RPH3A: variants seen among roughly 807,000 people sequenced by gnomAD.
The protein encoded by RPH3A is rabphilin-3A.
In RPH3A, 48 loss-of-function variants were observed where a neutral mutation model predicts 102.2. The observed-to-expected ratio is 0.47, with a 90% CI of 0.37 to 0.60. The LOEUF (loss-of-function observed/expected upper bound fraction) is 0.60, where lower values mean the gene tolerates loss of function less well. RPH3A is among the 20% of genes least tolerant of loss of function. RPH3A has a pLI of 0.00. For synonymous variants in RPH3A, 310 were observed against 324.3 expected (o/e 0.96, Z 0.47); for missense variants, 781 against 910.1 (o/e 0.86, Z 1.83).
chr12:112,660,044 G>C (rs1194573772), intron 1 of RPH3A, among the ~76,000 whole-genome samples: 3 of 152,222 alleles, frequency 2.0e-5, no homozygotes, highest in East Asian at 3.9e-4. Flanking sequence ...GGTCCTCTAA[G>C]AGACAGAAGT....
rs190457883 is a variant in RPH3A at position 112,766,984 on chromosome 12, G to A, written c.-139-25159G>A. 7.9e-5 allele frequency among the ~76,000 whole-genome samples: 12 copies of A among 152,310 alleles called. No individual in the cohort carries two copies. In the East Asian group the frequency reaches 1.9e-3, roughly 25 times the overall value. On this transcript the variant is annotated intron_variant, in intron 1 of 21. Transcript: ENST00000543106. Reference sequence around the variant, plus strand: ...TTCAAGGAGGGCTATAGGTGAAACAGGGTTAATGAGAAATTGCTGAGGAGG... The same window carrying A: ...TTCAAGGAGGGCTATAGGTGAAACAAGGTTAATGAGAAATTGCTGAGGAGG...
chr12:112,690,946 C>A (rs1307267278), intron 1 of RPH3A, among the ~76,000 whole-genome samples: 1 of 152,090 alleles, frequency 6.6e-6, no homozygotes, highest in Non-Finnish European at 1.5e-5. Flanking sequence ...CTATATAAAT[C>A]TACACATTCT....
chr12:112,845,915 A>C (rs147590573), intron 4 of RPH3A, among the ~76,000 whole-genome samples: 17 of 152,346 alleles, frequency 1.1e-4, no homozygotes, highest in African/African-American at 3.8e-4. Context: ...CTCTGAGACC[A>C]GGATGATGAG....
At chr12:112,591,926 C>A (rs2039481953) in intron 1 of RPH3A, among the ~76,000 whole-genome samples, 1 of 152,154 alleles carries the variant, frequency 6.6e-6, no homozygotes, top group African/African-American at 2.4e-5. Flanking sequence ...GGTTCTAGGA[C>A]CCCCTTGGAT....
chr12:112,675,452 T>C (rs2040168019), intron 1 of RPH3A, among the ~76,000 whole-genome samples: 1 of 152,172 alleles, frequency 6.6e-6, no homozygotes, highest in African/African-American at 2.4e-5. Context: ...CAGACAACCA[T>C]ATAAATATAG....
chr12:112,865,323 A>T (rs1281060375), intron 5 of RPH3A, 91 bp from the exon 6 acceptor site: 2 of 1,460,812 alleles, frequency 1.4e-6, no homozygotes, highest in Non-Finnish European at 1.9e-6. Context: ...GTATGACTCA[A>T]AGAAGGTGAA....
chr12:112,787,480 A>G (rs909683368), upstream of RPH3A, among the ~76,000 whole-genome samples: 2 of 152,210 alleles, frequency 1.3e-5, no homozygotes, highest in African/African-American at 2.4e-5. Flanking sequence ...AAAATGGGTA[A>G]ATAGCACAAC....
At chr12:112,787,109 T>A (rs1428865357), upstream of RPH3A, among the ~76,000 whole-genome samples, 1 of 152,146 alleles carries the variant, frequency 6.6e-6, no homozygotes, top group African/African-American at 2.4e-5. Context: ...ACTCTGGCCC[T>A]CCAGCCTCCC....
At chr12:112,797,189 A>G (rs1258919804) in intron 2 of RPH3A, among the ~76,000 whole-genome samples, 1 of 152,200 alleles carries the variant, frequency 6.6e-6, no homozygotes, top group African/African-American at 2.4e-5. Context: ...AATTTCCATC[A>G]TTCAAGTTTC....
chr12:112,836,031 G>A (rs567406456), intron 3 of RPH3A, among the ~76,000 whole-genome samples: 29 of 152,264 alleles, frequency 1.9e-4, no homozygotes, highest in African/African-American at 6.5e-4. Flanking sequence ...CCTCATAATC[G>A]GAGATGCTGG....
chr12:112,838,666 A>T (rs925453663), intron 4 of RPH3A, among the ~76,000 whole-genome samples: 2 of 152,234 alleles, frequency 1.3e-5, no homozygotes, highest in East Asian at 1.9e-4. Context: ...CAGCATTTCC[A>T]TCATCCCACT....
At chr12:112,637,469 G>A (rs567075405) in intron 1 of RPH3A, among the ~76,000 whole-genome samples, 26 of 152,232 alleles carry the variant, frequency 1.7e-4, no homozygotes, top group South Asian at 4.1e-4. Flanking sequence ...CATGCTGAAG[G>A]GAAATGTGTT....
intron 1 of RPH3A, among the ~76,000 whole-genome samples, chr12:112,640,404 C>G (rs1217348354): frequency 7.3e-6 from 1 of 136,604 alleles, no homozygotes; most frequent in Non-Finnish European, 1.5e-5. Context: ...ACCTTAACCA[C>G]TGTACTACAC....
At position 112,876,656 on chromosome 12, in the gene RPH3A, G is replaced by A. The variant is rs756524686; in HGVS notation, c.961G>A (p.Asp321Asn). 55 of 1,607,724 alleles carry A rather than the reference G, an allele frequency of 3.4e-5. No individual in the cohort carries two copies. The highest frequency in any genetic ancestry group is 1.3e-4 in the African/African-American group (10 of 74,792). Residue 321 changes from aspartate (D) to asparagine (N), a missense_variant, in exon 13 of 22, where the codon GAC (aspartate) becomes AAC (asparagine). Asp to Asn is a conservative substitution (Grantham distance 23, BLOSUM62 1). This residue lies in a region of RPH3A where 730 missense variants were observed against 810.0 expected (regional missense o/e 0.90). Transcript: ENST00000389385. ...TCTCCCTGCAGAGGTGGCTCCGAGC[G>A]ACCCTGGGACCACTGCCCCACCCCG... is the stretch of plus-strand genomic sequence containing the variant. The part of the protein sequence containing the change: ...PDQKPEVAPS[D>N]PGTTAPPREE...
intron 2 of RPH3A, among the ~76,000 whole-genome samples, chr12:112,811,285 A>G (rs2041570460): frequency 6.6e-6 from 1 of 152,152 alleles, no homozygotes. Context: ...CTGTGTAAAG[A>G]CACCTCATTT....
rs904206196 is a variant in RPH3A, at chr12:112,879,243, C to A, written c.1251+45C>A. ...CAGGGAACCTCTCAGGATGCTCTGG[C>A]ATGGCTAGGAGACTCAGATGGGGAT... On this transcript the variant is annotated intron_variant, in intron 14 of 21. Coordinates refer to ENST00000389385, the MANE Select transcript of RPH3A (RefSeq NM_001143854.2). 3 of 1,538,834 alleles carry A rather than the reference C, an allele frequency of 1.9e-6. No individual in the cohort carries two copies. The African/African-American group carries it at 4.1e-5, about 21-fold the overall frequency.
Position 112,793,097 on chromosome 12 carries a change from C to T in RPH3A, c.-19+834C>T, listed in dbSNP as rs181317977. ...AGCTTCAGTTTTGTTCCAGGGTAGA[C>T]CGTCCCCCTGCACTAGTTTCTTTTT... On this transcript the variant is annotated intron_variant, in intron 2 of 21. Transcript: ENST00000389385. 3.2e-3 allele frequency among the ~76,000 whole-genome samples: 481 copies of T among 152,268 alleles called. 2 individuals are homozygous for T. The highest frequency in any genetic ancestry group is 0.01 in the African/African-American group (430 of 41,550).
intron 1 of RPH3A, among the ~76,000 whole-genome samples, chr12:112,605,366 C>T (rs1326006796): frequency 6.6e-6 from 1 of 152,116 alleles, no homozygotes; most frequent in Non-Finnish European, 1.5e-5. Flanking sequence ...CAGAGCAAGA[C>T]TCCATCTCAA....
chr12:112,617,142 C>T (rs1043082293), intron 1 of RPH3A, among the ~76,000 whole-genome samples: 5 of 152,194 alleles, frequency 3.3e-5, no homozygotes, highest in African/African-American at 9.7e-5. Context: ...CATCTCTGCT[C>T]CCGGTTTGTC....
Sources: allele counts gnomAD v4.1 joint callset (sites outside exome capture counted in the v4.1 genomes callset), GRCh38; gene constraint gnomAD v4.1.1; regional missense constraint gnomAD v4.1.1; transcripts MANE v1.5; gene names NCBI Gene and HGNC (gene_info 2026-07-23, HGNC 2026-07-21).